GRM7: variants seen among roughly 807,000 people sequenced by gnomAD.
GRM7 encodes the protein glutamate metabotropic receptor 7.
GRM7 carries 35 observed loss-of-function variants against 84.5 expected under a neutral mutation model. The observed-to-expected ratio is 0.41, with a 90% CI of 0.32 to 0.55. The LOEUF is 0.55. GRM7 is among the 20% of genes least tolerant of loss of function. The pLI is 0.19. For missense variants in GRM7, 1,003 were observed against 1,194.6 expected, an observed-to-expected ratio of 0.84 and a Z score of 2.36; for synonymous variants, 487 against 455.1, an observed-to-expected ratio of 1.07 and a Z score of -0.89.
intron 2 of GRM7, among the ~76,000 whole-genome samples, chr3:7,257,768 A>G (rs1367976166): frequency 6.6e-6 from 1 of 152,200 alleles, no homozygotes; most frequent in African/African-American, 2.4e-5. Context: ...AGCATCTTCC[A>G]GTTTATACAT....
At chr3:7,717,016 GGTT>G (rs1418615708) in intron 9 of GRM7, among the ~76,000 whole-genome samples, 1 of 152,068 alleles carries the variant, frequency 6.6e-6, no homozygotes, top group African/African-American at 2.4e-5. Context: ...AAGGGCCTCT[GGTT>G]CACTTTTCTG....
chr3:6,979,629 T>C (rs73023806), intron 1 of GRM7, among the ~76,000 whole-genome samples: 13,088 of 152,242 alleles, frequency 0.086, 756 homozygotes, highest in Middle Eastern at 0.17. Flanking sequence ...TTACAATTTT[T>C]ACAAGATTAC....
At chr3:7,386,464 T>G (rs2125135495) in intron 4 of GRM7, among the ~76,000 whole-genome samples, 1 of 152,272 alleles carries the variant, frequency 6.6e-6, no homozygotes, top group Admixed American at 6.5e-5. Flanking sequence ...TCTATTGTTC[T>G]CATCTTTCTG....
At chr3:7,432,698 T>A (rs1696881290) in intron 5 of GRM7, among the ~76,000 whole-genome samples, 1 of 151,384 alleles carries the variant, frequency 6.6e-6, no homozygotes, top group East Asian at 1.9e-4. Flanking sequence ...GATGAATAAA[T>A]GTGGAATCCT....
intron 2 of GRM7, among the ~76,000 whole-genome samples, chr3:7,206,984 A>G (rs1311124299): frequency 6.6e-6 from 1 of 152,188 alleles, no homozygotes; most frequent in Non-Finnish European, 1.5e-5. Flanking sequence ...AGTTATGGCT[A>G]AAGATGATTT....
At chr3:7,179,792 C>A (rs972398420) in intron 2 of GRM7, among the ~76,000 whole-genome samples, 1 of 152,162 alleles carries the variant, frequency 6.6e-6, no homozygotes, top group African/African-American at 2.4e-5. Context: ...GGAGAGCAAT[C>A]TGGCCAGGAA....
chr3:7,096,486 C>T (rs767659498), intron 1 of GRM7, among the ~76,000 whole-genome samples: 9 of 152,084 alleles, frequency 5.9e-5, no homozygotes, highest in Non-Finnish European at 1.3e-4. Flanking sequence ...AGAGGGATCA[C>T]AGAGCTTCCA....
At chr3:6,878,921 C>G (rs1695411651) in intron 1 of GRM7, among the ~76,000 whole-genome samples, 1 of 152,188 alleles carries the variant, frequency 6.6e-6, no homozygotes, top group Non-Finnish European at 1.5e-5. Flanking sequence ...GCTGCTATCA[C>G]TGGTCCAATG....
At chr3:7,116,248 C>T (rs1023583492) in intron 1 of GRM7, among the ~76,000 whole-genome samples, 2 of 152,114 alleles carry the variant, frequency 1.3e-5, no homozygotes, top group Non-Finnish European at 2.9e-5. Context: ...TGCCATTTCT[C>T]TCCAGGCATT....
At chr3:7,569,652 C>T (rs148964880) in intron 7 of GRM7, among the ~76,000 whole-genome samples, 11 of 152,098 alleles carry the variant, frequency 7.2e-5, no homozygotes. Context: ...GTCCACACTG[C>T]CTTTATGAGC....
At chr3:7,368,417 T>G (rs1412813856) in intron 4 of GRM7, among the ~76,000 whole-genome samples, 4 of 152,154 alleles carry the variant, frequency 2.6e-5, no homozygotes, top group Admixed American at 2.0e-4. Flanking sequence ...TCTTAGAGAT[T>G]ATGCCTTAGG....
chr3:7,467,860 GA>G (rs563943547), intron 7 of GRM7, among the ~76,000 whole-genome samples: 10 of 150,718 alleles, frequency 6.6e-5, no homozygotes, highest in African/African-American at 7.3e-5. Context: ...GGATGGAAAA[GA>G]AAAAAAAATC....
At chr3:7,325,694 C>G (rs187139870) in intron 4 of GRM7, among the ~76,000 whole-genome samples, 21 of 152,250 alleles carry the variant, frequency 1.4e-4, no homozygotes, top group Non-Finnish European at 2.4e-4. Context: ...CCATTCTGGT[C>G]AAAGGTAATT....
intron 7 of GRM7, among the ~76,000 whole-genome samples, chr3:7,471,229 A>C (rs1463913497): frequency 6.6e-6 from 1 of 151,888 alleles, no homozygotes; most frequent in Non-Finnish European, 1.5e-5. Context: ...ATTACCGCTA[A>C]TTTAGTGGCT....
At chr3:6,950,494 TG>T in intron 1 of GRM7, among the ~76,000 whole-genome samples, 1 of 152,310 alleles carries the variant, frequency 6.6e-6, no homozygotes, top group East Asian at 1.9e-4. Flanking sequence ...GTTAGGCTGC[TG>T]GGGGGTCAGG....
intron 7 of GRM7, among the ~76,000 whole-genome samples, chr3:7,474,695 G>A (rs147847883): frequency 6.9e-4 from 105 of 152,178 alleles, no homozygotes; most frequent in African/African-American, 2.5e-3. Context: ...CTAAAATGTA[G>A]TATCTGTCCT....
intron 1 of GRM7, among the ~76,000 whole-genome samples, chr3:7,042,027 G>T (rs181219874): frequency 1.9e-3 from 293 of 152,248 alleles, no homozygotes; most frequent in Non-Finnish European, 3.5e-3. Context: ...GGTATGCCTG[G>T]AAAGAACATG....
At chr3:7,593,147 G>T (rs1310851016) in intron 8 of GRM7, among the ~76,000 whole-genome samples, 3 of 152,162 alleles carry the variant, frequency 2.0e-5, no homozygotes, top group Non-Finnish European at 4.4e-5. Flanking sequence ...ATTTTGATGA[G>T]ATCATTGCTT....
intron 7 of GRM7, among the ~76,000 whole-genome samples, chr3:7,493,020 A>T (rs1427455569): frequency 6.6e-6 from 1 of 151,936 alleles, no homozygotes; most frequent in African/African-American, 2.4e-5. Context: ...GTTTGATTTC[A>T]TTGCTGTTCT....
Sources: gnomAD v4.1 joint callset for allele counts (sites outside exome capture counted in the v4.1 genomes callset) on GRCh38, gnomAD v4.1.1 for gene constraint, MANE v1.5 for transcripts, NCBI Gene and HGNC (gene_info 2026-07-23, HGNC 2026-07-21) for gene names.